The following HOOK3 variants were observed in gnomAD, a reference collection of about 807,000 sequenced individuals.
The protein encoded by HOOK3 is hook microtubule tethering protein 3.
Under a neutral mutation model 116.3 loss-of-function variants are expected in HOOK3, and 24 were observed. The ratio of observed to expected loss-of-function variants is 0.21; its 90% CI spans 0.15 to 0.29. HOOK3 has a LOEUF of 0.29. Among genes scored for constraint, HOOK3 ranks in the 10% least tolerant of loss-of-function variants. The pLI, the probability that HOOK3 is intolerant of heterozygous loss-of-function variation, is 1.00. For missense variants in HOOK3, 632 were observed against 830.2 expected (o/e 0.76, Z 2.93); for synonymous variants, 275 against 283.0 (o/e 0.97, Z 0.28).
chr8:43,028,877 A>G lies in HOOK3; in HGVS notation c.*10379A>G, dbSNP rs1471762006. 1 of 201,696 alleles carries G rather than the reference A, an allele frequency of 5.0e-6. No individual in the cohort carries two copies. The highest frequency in any genetic ancestry group is 1.0e-5 in the Non-Finnish European group (1 of 97,962). The allele number at this position is 201,696 out of a possible 1,614,324, so 12.5% of individuals were successfully genotyped here. On this transcript the variant is annotated 3_prime_UTR_variant, in exon 22 of 22. Transcript: ENST00000307602. ...TCTCTTTAAATTTTTGTAATCAAGC[A>G]ACAGACTTGATCCAGCAGTGTCGAA...
At chr8:42,963,568 T>A (rs1263054335) in intron 8 of HOOK3, among the ~76,000 whole-genome samples, 1 of 152,264 alleles carries the variant, frequency 6.6e-6, no homozygotes. Context: ...GGTAGTTGCA[T>A]GTTTAATTCT....
intron 4 of HOOK3, among the ~76,000 whole-genome samples, chr8:42,931,075 C>T (rs1807863343): frequency 6.6e-6 from 1 of 152,250 alleles, no homozygotes; most frequent in Non-Finnish European, 1.5e-5. Flanking sequence ...GACTTCCTAA[C>T]TACTTTTCCC....
chr8:43,001,287 AATT>A (rs1809376052), intron 16 of HOOK3, among the ~76,000 whole-genome samples: 1 of 152,078 alleles, frequency 6.6e-6, no homozygotes, highest in South Asian at 2.1e-4. Flanking sequence ...AAATTGTGGT[AATT>A]ATTATCAAAA....
chr8:42,968,866 C>T (rs888647010), intron 11 of HOOK3, among the ~76,000 whole-genome samples: 15 of 152,156 alleles, frequency 9.9e-5, no homozygotes, highest in African/African-American at 3.6e-4. Context: ...CATTCCCATT[C>T]GTCTCTCTAT....
At chr8:42,947,055 C>T (rs908761440) in intron 5 of HOOK3, among the ~76,000 whole-genome samples, 2 of 152,152 alleles carry the variant, frequency 1.3e-5, no homozygotes, top group Non-Finnish European at 2.9e-5. Context: ...AGGCATGAGC[C>T]ACTGCGCCTG....
Position 43,022,197 on chromosome 8 carries a change from G to A in HOOK3, c.*3699G>A, listed in dbSNP as rs1809843244. On this transcript the variant is annotated 3_prime_UTR_variant, in exon 22 of 22. Transcript: ENST00000307602. ...TGTCCGGTGTCCAGCTTTGGACAGG[G>A]TTTATGACGTTTCTGTTTCTCTAGT... The A allele has an allele frequency of 1.4e-5, 3 of 212,638 alleles. No homozygotes were observed. In the East Asian group the frequency reaches 2.1e-4, roughly 15 times the overall value. The allele number at this position is 212,638 out of a possible 1,614,324, so 13.2% of individuals were successfully genotyped here. A position where few individuals can be genotyped will look rare whatever the true frequency, so the allele number is the denominator to read the frequency against.
At position 43,023,988 on chromosome 8, in the gene HOOK3, T is replaced by C. The variant is rs1378586780; in HGVS notation, c.*5490T>C. 5.0e-6 allele frequency: 1 copy of C among 201,238 alleles called. No homozygotes were observed. Among genetic ancestry groups the C allele is most frequent in the Non-Finnish European group, 1.0e-5 (1 of 97,686 alleles). The allele number at this position is 201,238 out of a possible 1,614,324, so 12.5% of individuals were successfully genotyped here. On this transcript the variant is annotated 3_prime_UTR_variant, in exon 22 of 22. Coordinates refer to ENST00000307602, the MANE Select transcript of HOOK3 (RefSeq NM_032410.4). ...TAACTCTGCATTTAGTCTCCTATTATCTAGATCTCTGAGTCCAGGATAACT... is the reference window on the plus strand; with the variant it reads ...TAACTCTGCATTTAGTCTCCTATTACCTAGATCTCTGAGTCCAGGATAACT...
chr8:42,973,194 G>A, intron 11 of HOOK3, 95 bp from the exon 12 acceptor site: 1 of 1,339,524 alleles, frequency 7.5e-7, no homozygotes, highest in Non-Finnish European at 1.0e-6. Flanking sequence ...AGTACTGGTG[G>A]GAGAGATTTT....
intron 14 of HOOK3, among the ~76,000 whole-genome samples, chr8:42,984,283 A>G (rs1242476341): frequency 6.6e-6 from 1 of 151,508 alleles, no homozygotes; most frequent in Non-Finnish European, 1.5e-5. Flanking sequence ...TAGGAGAATC[A>G]CTTGAACCCA....
At chr8:42,978,084 C>G (rs545299582) in intron 13 of HOOK3, among the ~76,000 whole-genome samples, 1 of 152,214 alleles carries the variant, frequency 6.6e-6, no homozygotes, top group African/African-American at 2.4e-5. Flanking sequence ...ACTTATTTCT[C>G]CAGAGCCAGA....
intron 1 of HOOK3, among the ~76,000 whole-genome samples, chr8:42,903,322 T>C (rs1477991100): frequency 6.6e-6 from 1 of 151,078 alleles, no homozygotes; most frequent in South Asian, 2.1e-4. Context: ...CTACTGACTG[T>C]ACTGTTAATA....
intron 13 of HOOK3, 149 bp downstream of exon 13, chr8:42,974,343 C>T (rs1489892108): frequency 1.8e-5 from 10 of 540,572 alleles, no homozygotes; most frequent in African/African-American, 1.2e-4. Context: ...TGGATTCAAG[C>T]GATTCTCCTG....
intron 15 of HOOK3, among the ~76,000 whole-genome samples, chr8:42,996,921 T>C (rs1009497989): frequency 7.3e-4 from 92 of 126,506 alleles, no homozygotes; most frequent in African/African-American, 3.2e-3. Context: ...TTTTTTTTTT[T>C]TGGGAGGCAG....
In HOOK3 at chr8:42,966,276, C is replaced by T. The variant is rs751743328; in HGVS notation, c.780-197C>T. 7.2e-5 allele frequency among the ~76,000 whole-genome samples: 11 copies of T among 152,118 alleles called. 1 individual carries two copies. The highest frequency in any genetic ancestry group is 1.5e-4 in the Non-Finnish European group (10 of 68,038). On this transcript the variant is annotated intron_variant, in intron 9 of 21. Coordinates refer to ENST00000307602, the MANE Select transcript of HOOK3 (RefSeq NM_032410.4). ...TGGTAGGGAAATAGTAACCAGTTGTCACCGTTCCCAAGACTTGGGACAGTG... is the reference window on the plus strand; with the variant it reads ...TGGTAGGGAAATAGTAACCAGTTGTTACCGTTCCCAAGACTTGGGACAGTG...
intron 13 of HOOK3, among the ~76,000 whole-genome samples, chr8:42,982,286 A>T (rs1277075260): frequency 6.6e-6 from 1 of 151,332 alleles, no homozygotes; most frequent in African/African-American, 2.4e-5. Context: ...AAAAAAAGAA[A>T]AAAGGTAGAA....
intron 21 of HOOK3, among the ~76,000 whole-genome samples, chr8:43,013,639 G>C (rs1271052533): frequency 6.6e-6 from 1 of 152,186 alleles, no homozygotes; most frequent in African/African-American, 2.4e-5. Flanking sequence ...ATAAATGTCA[G>C]TCTAATTTCT....
intron 13 of HOOK3, among the ~76,000 whole-genome samples, chr8:42,979,576 A>C (rs1479781521): frequency 6.6e-6 from 1 of 152,090 alleles, no homozygotes; most frequent in African/African-American, 2.4e-5. Flanking sequence ...TTTTCCTCTG[A>C]CTACAACATT....
intron 17 of HOOK3, among the ~76,000 whole-genome samples, chr8:43,002,681 G>A (rs1809403455): frequency 6.6e-6 from 1 of 152,114 alleles, no homozygotes; most frequent in African/African-American, 2.4e-5. Context: ...AAGAGACAAG[G>A]TCTTTTAAAA....
intron 15 of HOOK3, among the ~76,000 whole-genome samples, chr8:42,995,696 G>A (rs1383739691): frequency 6.6e-6 from 1 of 151,970 alleles, no homozygotes; most frequent in Admixed American, 6.6e-5. Flanking sequence ...AAATTTCTAG[G>A]CATTTCATTT....
Sources: gnomAD v4.1 joint callset for allele counts (sites outside exome capture counted in the v4.1 genomes callset) on GRCh38, gnomAD v4.1.1 for gene constraint, MANE v1.5 for transcripts, NCBI Gene and HGNC (gene_info 2026-07-23, HGNC 2026-07-21) for gene names.